WDPCP: variants seen among roughly 807,000 people sequenced by gnomAD.
WDPCP encodes the protein WD repeat-containing and planar cell polarity effector protein fritz homolog.
In WDPCP, 71 loss-of-function variants were observed where a neutral mutation model predicts 93.1. That is an observed-to-expected ratio of 0.76 (90% CI 0.63 to 0.93). The LOEUF is 0.93. Among genes scored for constraint, WDPCP ranks in the 40% least tolerant of loss-of-function variants. The pLI is 0.00. For synonymous variants in WDPCP, 315 were observed against 315.0 expected, an observed-to-expected ratio of 1.00 and a Z score of 0.00; for missense variants, 844 against 887.4, an observed-to-expected ratio of 0.95 and a Z score of 0.62.
intron 13 of WDPCP, among the ~76,000 whole-genome samples, chr2:63,262,062 T>C (rs911167068): frequency 2.0e-5 from 3 of 152,168 alleles, no homozygotes; most frequent in Non-Finnish European, 4.4e-5. Flanking sequence ...TGAAAATATA[T>C]ACTTTTTTCA....
At chr2:63,804,832 A>G (rs1474789226) in intron 2 of WDPCP, among the ~76,000 whole-genome samples, 2 of 151,840 alleles carry the variant, frequency 1.3e-5, no homozygotes, top group African/African-American at 4.8e-5. Context: ...GCTCGAGACC[A>G]GCCTGGCCAA....
At chr2:63,589,509 G>A (rs1017405349), upstream of WDPCP, 6 of 912,772 alleles carry the variant, frequency 6.6e-6, no homozygotes, top group South Asian at 8.6e-5. Flanking sequence ...TATTTACCAG[G>A]TGCTCCAGAT....
intron 2 of WDPCP, among the ~76,000 whole-genome samples, chr2:63,707,772 T>A (rs1669188337): frequency 6.6e-6 from 1 of 152,186 alleles, no homozygotes; most frequent in Non-Finnish European, 1.5e-5. Flanking sequence ...CTACCTTTGG[T>A]CTTTGATGAT....
At chr2:63,246,221 T>A (rs1295849999) in intron 14 of WDPCP, among the ~76,000 whole-genome samples, 1 of 152,068 alleles carries the variant, frequency 6.6e-6, no homozygotes, top group Non-Finnish European at 1.5e-5. Flanking sequence ...TTTCCAGGAG[T>A]GAATTTCTCA....
intron 12 of WDPCP, among the ~76,000 whole-genome samples, chr2:63,329,967 C>T (rs1367346523): frequency 6.6e-6 from 1 of 152,068 alleles, no homozygotes; most frequent in African/African-American, 2.4e-5. Flanking sequence ...AGATATGTAT[C>T]TCATTTCTTT....
chr2:63,216,714 A>G (rs1025462636), intron 14 of WDPCP, among the ~76,000 whole-genome samples: 1 of 152,042 alleles, frequency 6.6e-6, no homozygotes, highest in East Asian at 1.9e-4. Context: ...AGTTTAATAA[A>G]AAAAAAACTA....
chr2:63,336,928 T>G (rs891441812), intron 12 of WDPCP, among the ~76,000 whole-genome samples: 1 of 136,370 alleles, frequency 7.3e-6, no homozygotes, highest in Non-Finnish European at 1.5e-5. Flanking sequence ...AGAGTCTCGC[T>G]CTGTCACCAG....
Position 63,291,090 on chromosome 2 carries a change from T to C in WDPCP, c.1812+22158A>G, listed in dbSNP as rs191901427. ...TGTTTTCTTTAGACTGGATACTTTA[T>C]ACTGATCTGTCTTTAAGTTCACTGA... is the stretch of plus-strand genomic sequence containing the variant. On this transcript the variant is annotated intron_variant, in intron 13 of 17. Coordinates refer to ENST00000272321, the MANE Select transcript of WDPCP (RefSeq NM_015910.7). Among the ~76,000 whole-genome samples, 5 of 152,360 alleles carry C rather than the reference T, an allele frequency of 3.3e-5. No individual in the cohort carries two copies. The East Asian group carries it at 9.6e-4, about 29-fold the overall frequency.
At chr2:63,423,494 C>T (rs1000555412) in intron 9 of WDPCP, among the ~76,000 whole-genome samples, 3 of 152,080 alleles carry the variant, frequency 2.0e-5, no homozygotes, top group Non-Finnish European at 4.4e-5. Context: ...TGTTATGTTT[C>T]CCTGACAACA....
intron 6 of WDPCP, among the ~76,000 whole-genome samples, chr2:63,472,141 T>C (rs1160456374): frequency 6.6e-6 from 1 of 152,092 alleles, no homozygotes; most frequent in Non-Finnish European, 1.5e-5. Context: ...TGATTCCCAA[T>C]CTTTTGTATG....
intron 14 of WDPCP, among the ~76,000 whole-genome samples, chr2:63,225,967 A>T (rs1468071758): frequency 6.6e-6 from 1 of 151,898 alleles, no homozygotes; most frequent in Non-Finnish European, 1.5e-5. Context: ...GATGCCAATT[A>T]TATGTGTGTG....
At chr2:63,210,049 G>GTAT (rs1413997228) in intron 14 of WDPCP, among the ~76,000 whole-genome samples, 21 of 151,996 alleles carry the variant, frequency 1.4e-4, no homozygotes, top group African/African-American at 2.4e-5. Flanking sequence ...TAATGTGAAT[G>GTAT]TATTAACTTG....
chr2:63,351,369 A>G (rs2048927), intron 12 of WDPCP, among the ~76,000 whole-genome samples: 146,930 of 152,058 alleles, frequency 0.97, 71,016 homozygotes, highest in East Asian at 1. Context: ...TATGGATCCC[A>G]TCACCCATGT....
At chr2:63,441,607 C>T (rs778284923) in intron 6 of WDPCP, 2 of 151,816 alleles carry the variant, frequency 1.3e-5, no homozygotes, top group African/African-American at 4.8e-5. Flanking sequence ...TCACAACTAA[C>T]TCAATGGAAC....
intron 1 of WDPCP, among the ~76,000 whole-genome samples, chr2:63,520,767 G>A (rs1296913781): frequency 1.3e-5 from 2 of 151,966 alleles, no homozygotes; most frequent in Non-Finnish European, 2.9e-5. Context: ...ATGGTGGGAT[G>A]CACCTGTGGT....
At chr2:63,367,888 A>G (rs1445790827) in intron 12 of WDPCP, among the ~76,000 whole-genome samples, 1 of 152,224 alleles carries the variant, frequency 6.6e-6, no homozygotes, top group South Asian at 2.1e-4. Context: ...ACATGTGATC[A>G]AAGTGTTCAT....
chr2:63,687,014 CAGA>C (rs1558884302), intron 2 of WDPCP, among the ~76,000 whole-genome samples: 1 of 152,180 alleles, frequency 6.6e-6, no homozygotes, highest in Non-Finnish European at 1.5e-5. Context: ...TGGGCCACAT[CAGA>C]AGAAGAATTG....
intron 1 of WDPCP, among the ~76,000 whole-genome samples, chr2:63,540,251 GTTAT>G (rs1374679733): frequency 6.6e-6 from 1 of 151,972 alleles, no homozygotes; most frequent in Non-Finnish European, 1.5e-5. Flanking sequence ...TTATTACTAG[GTTAT>G]TTAAACTCAT....
chr2:63,679,234 T>C (rs928081811), intron 2 of WDPCP, among the ~76,000 whole-genome samples: 4 of 152,176 alleles, frequency 2.6e-5, no homozygotes, highest in African/African-American at 9.7e-5. Context: ...TAAACTCAAT[T>C]CTTGCAATCA....
Sources: allele counts gnomAD v4.1 joint callset (sites outside exome capture counted in the v4.1 genomes callset), GRCh38; gene constraint gnomAD v4.1.1; transcripts MANE v1.5; gene names NCBI Gene and HGNC (gene_info 2026-07-23, HGNC 2026-07-21).